The following PLCH2 variants were observed in gnomAD, a reference collection of about 807,000 sequenced individuals.
The protein encoded by PLCH2 is 1-phosphatidylinositol 4,5-bisphosphate phosphodiesterase eta-2.
Under a neutral mutation model 134.7 loss-of-function variants are expected in PLCH2, and 98 were observed. That is an observed-to-expected ratio of 0.73 (90% CI 0.62 to 0.86). The LOEUF is 0.86. Ranked by LOEUF, PLCH2 falls within the 40% of genes least tolerant of loss-of-function variation. The pLI is 0.00. For synonymous variants in PLCH2, 974 were observed against 827.5 expected, an observed-to-expected ratio of 1.18 and a Z score of -3.04; for missense variants, 1,994 against 1,986.6, an observed-to-expected ratio of 1.00 and a Z score of -0.07.
the PLCH2 span, among the ~76,000 whole-genome samples, chr1:2,418,149 C>T: frequency 6.6e-6 from 1 of 152,224 alleles, no homozygotes; most frequent in Non-Finnish European, 1.5e-5. Flanking sequence ...GCAGGTGCCC[C>T]CGAGAATTCC....
In PLCH2 at chr1:2,502,291, G is replaced by C; in HGVS notation, c.2841G>C (p.Leu947=). 2 of 1,537,576 alleles carry C rather than the reference G, an allele frequency of 1.3e-6. No homozygotes were observed. Among genetic ancestry groups the C allele is most frequent in the Admixed American group, 2.0e-5 (1 of 49,554 alleles). The change falls in exon 21 of 22, where the codon CTG becomes CTC. Residue 947 remains leucine, a synonymous_variant. Transcript: ENST00000378486. The part of the protein sequence containing the change: ...QKPGRRGFPE[L]VLGTRDTGSK... ...CGGGCCGCAGGGGCTTCCCGGAGCT[G>C]GTCCTGGGTACACGGGACACAGGCT...
At chr1:2,425,333 AC>A (rs202162296), upstream of PLCH2, among the ~76,000 whole-genome samples, 1,559 of 150,716 alleles carry the variant, frequency 0.01, 27 homozygotes, top group African/African-American at 0.035. Context: ...ACACACATAC[AC>A]CCCCCCACAC....
At chr1:2,465,718 C>A (rs1379794554), upstream of PLCH2, among the ~76,000 whole-genome samples, 1 of 152,246 alleles carries the variant, frequency 6.6e-6, no homozygotes, top group Non-Finnish European at 1.5e-5. Flanking sequence ...TAATCACCGC[C>A]TTTAATCGCA....
intron 12 of PLCH2, 101 bp from the exon 13 acceptor site, chr1:2,495,387 C>CTG: frequency 1.0e-6 from 1 of 990,478 alleles, no homozygotes; most frequent in Non-Finnish European, 1.5e-6. Context: ...GCGTGGGCCG[C>CTG]TGGGGACCCC....
At chr1:2,485,470 G>C (rs1035966180) in intron 5 of PLCH2, among the ~76,000 whole-genome samples, 7 of 152,230 alleles carry the variant, frequency 4.6e-5, no homozygotes, top group Non-Finnish European at 7.3e-5. Flanking sequence ...TCAGGGAGGA[G>C]AGCAGGGACA....
intron 2 of PLCH2, among the ~76,000 whole-genome samples, chr1:2,442,896 G>A (rs888716185): frequency 7.9e-5 from 12 of 152,342 alleles, no homozygotes; most frequent in African/African-American, 2.6e-4. Flanking sequence ...CTCTTGACTT[G>A]TCTCCCGCCT....
intron 5 of PLCH2, among the ~76,000 whole-genome samples, chr1:2,485,636 A>G (rs988156545): frequency 1.5e-5 from 2 of 134,588 alleles, no homozygotes; most frequent in Admixed American, 7.3e-5. Flanking sequence ...TACTGGCCTC[A>G]GCCTGGGGGT....
At chr1:2,493,995 G>A (rs1239159615) in intron 11 of PLCH2, 2 of 152,708 alleles carry the variant, frequency 1.3e-5, no homozygotes, top group Non-Finnish European at 1.5e-5. Context: ...GCATGGCCAC[G>A]GGTGGGTGAT....
intron 1 of PLCH2, among the ~76,000 whole-genome samples, chr1:2,468,604 G>A (rs766570308): frequency 1.4e-4 from 21 of 152,234 alleles, no homozygotes; most frequent in Non-Finnish European, 2.2e-4. Context: ...CAGTGGCCAC[G>A]GCTGCAGAAG....
chr1:2,419,055 G>A, the PLCH2 span, among the ~76,000 whole-genome samples: 1 of 152,152 alleles, frequency 6.6e-6, no homozygotes, highest in African/African-American at 2.4e-5. Flanking sequence ...CTCATCCTCT[G>A]GCTGGGGCAT....
intron 2 of PLCH2, among the ~76,000 whole-genome samples, chr1:2,450,418 G>A (rs559613562): frequency 1.4e-4 from 22 of 151,970 alleles, no homozygotes; most frequent in African/African-American, 5.3e-4. Flanking sequence ...GATGTTTCCC[G>A]CGGCATTCAG....
chr1:2,499,591 G>T (rs764076470), intron 19 of PLCH2, 50 bp from the exon 20 acceptor site: 3 of 1,361,024 alleles, frequency 2.2e-6, no homozygotes, highest in Non-Finnish European at 3.1e-6. Flanking sequence ...AGCAGGTGGG[G>T]GCCCTGGGAG....
At chr1:2,489,964 ATCC>A in intron 10 of PLCH2, 97 bp downstream of exon 10, 1 of 926,198 alleles carries the variant, frequency 1.1e-6, no homozygotes. Context: ...AAAGGGAGGC[ATCC>A]GGGAGAGAGG....
At position 2,476,611 on chromosome 1, in the gene PLCH2, C is replaced by A. The variant is rs1247609771; in HGVS notation, c.23C>A (p.Pro8His). 1.9e-6 allele frequency: 3 copies of A among 1,586,452 alleles called. No homozygotes were observed. The highest frequency in any genetic ancestry group is 1.8e-5 in the Admixed American group (1 of 55,964). ...GCCATGTCTGGTCCATGGCCCTCCCCCGACAGCCGGACCAAGGGAACGGTG... is the reference window on the plus strand; with the variant it reads ...GCCATGTCTGGTCCATGGCCCTCCCACGACAGCCGGACCAAGGGAACGGTG... MSGPWPS[P>H]DSRTKGTVAW... The change falls in exon 1 of 22, where the codon CCC (proline) becomes CAC (histidine). Residue 8 changes from proline (P) to histidine (H), a missense_variant. Coordinates refer to ENST00000378486, the MANE Select transcript of PLCH2 (RefSeq NM_014638.4).
chr1:2,431,459 G>A (rs1373584516), intron 2 of PLCH2, among the ~76,000 whole-genome samples: 1 of 152,144 alleles, frequency 6.6e-6, no homozygotes, highest in African/African-American at 2.4e-5. Flanking sequence ...AGCTGCGCCT[G>A]GGGAGCTGCA....
upstream of PLCH2, among the ~76,000 whole-genome samples, chr1:2,472,561 C>G (rs957098985): frequency 6.6e-6 from 1 of 152,178 alleles, no homozygotes; most frequent in Admixed American, 6.5e-5. Context: ...CTCAGGGACT[C>G]TTGGTGGCCC....
intron 21 of PLCH2, chr1:2,503,719 T>C (rs1307448914): frequency 9.6e-6 from 6 of 624,980 alleles, no homozygotes; most frequent in African/African-American, 1.8e-5. Flanking sequence ...GGGCGTGGAC[T>C]GGGCCCCAGC....
At chr1:2,455,822 C>T (rs1226133880) in intron 2 of PLCH2, among the ~76,000 whole-genome samples, 1 of 152,192 alleles carries the variant, frequency 6.6e-6, no homozygotes, top group Non-Finnish European at 1.5e-5. Flanking sequence ...GGGCCTCCCT[C>T]CCCGGCCGTG....
Position 2,502,807 on chromosome 1 carries a change from T to G in PLCH2, c.2959+398T>G, listed in dbSNP as rs1643311614. On this transcript the variant is annotated intron_variant, in intron 21 of 21. Transcript: ENST00000378486. Reference sequence around the variant, plus strand: ...TCCCCGAAAGGTCCCCCCGCTGGCCTGAGGGTGCCTGCAGGCAACCGGGGG... The same window carrying G: ...TCCCCGAAAGGTCCCCCCGCTGGCCGGAGGGTGCCTGCAGGCAACCGGGGG... 3 of 717,094 alleles carry G rather than the reference T, an allele frequency of 4.2e-6. No individual in the cohort carries two copies. In the South Asian group the frequency reaches 4.4e-5, roughly 11 times the overall value. The allele number at this position is 717,094 out of a possible 1,614,324, so 44.4% of individuals were successfully genotyped here.
Sources: allele counts gnomAD v4.1 joint callset (sites outside exome capture counted in the v4.1 genomes callset), GRCh38; gene constraint gnomAD v4.1.1; transcripts MANE v1.5; gene names NCBI Gene and HGNC (gene_info 2026-07-23, HGNC 2026-07-21).